ADGRL2: variants seen among roughly 807,000 people sequenced by gnomAD.
ADGRL2 encodes calcium-independent alpha-latrotoxin receptor 2.
ADGRL2 carries 44 observed loss-of-function variants against 157.4 expected under a neutral mutation model. That is an observed-to-expected ratio of 0.28 (90% CI 0.22 to 0.36). The LOEUF (loss-of-function observed/expected upper bound fraction) is 0.36, where lower values mean the gene tolerates loss of function less well. Among genes scored for constraint, ADGRL2 ranks in the 10% least tolerant of loss-of-function variants. The pLI is 1.00. For missense variants in ADGRL2, 1,510 were observed against 1,768.9 expected, an observed-to-expected ratio of 0.85 and a Z score of 2.63; for synonymous variants, 585 against 624.7, an observed-to-expected ratio of 0.94 and a Z score of 0.95.
intron 3 of ADGRL2, among the ~76,000 whole-genome samples, chr1:81,909,365 T>C (rs1321904481): frequency 6.6e-6 from 1 of 152,168 alleles, no homozygotes; most frequent in Non-Finnish European, 1.5e-5. Flanking sequence ...GAGTTATCAT[T>C]TATATAGTTA....
intron 1 of ADGRL2, among the ~76,000 whole-genome samples, chr1:81,728,353 T>A (rs1483484632): frequency 6.6e-6 from 1 of 152,212 alleles, no homozygotes; most frequent in Non-Finnish European, 1.5e-5. Flanking sequence ...AGAAATCACA[T>A]GACTAGAGAA....
At chr1:81,877,171 G>C (rs1017484412) in intron 2 of ADGRL2, among the ~76,000 whole-genome samples, 1 of 152,010 alleles carries the variant, frequency 6.6e-6, no homozygotes, top group African/African-American at 2.4e-5. Flanking sequence ...TATTTCTCAG[G>C]ATTGACTTTC....
rs1169454079 is a variant in ADGRL2 at position 81,969,334 on chromosome 1, C to A, written c.2680C>A (p.Leu894Ile). 1.2e-6 allele frequency: 2 copies of A among 1,613,806 alleles called. No individual in the cohort carries two copies. The highest frequency in any genetic ancestry group is 1.7e-6 in the Non-Finnish European group (2 of 1,179,884). ...NTIHKNLCIN[L>I]FIAEFIFLIG... ...TATTCACAAGAACCTTTGTATCAAC[C>A]TTTTCATTGCTGAATTTATTTTCCT... The change falls in exon 15 of 24, where the codon CTT becomes ATT. Residue 894 changes from leucine to isoleucine, a missense_variant. Coordinates refer to ENST00000686636, the MANE Select transcript of ADGRL2 (RefSeq NM_001366006.2).
intron 3 of ADGRL2, among the ~76,000 whole-genome samples, chr1:81,927,523 T>C (rs1359499765): frequency 6.6e-6 from 1 of 151,974 alleles, no homozygotes; most frequent in Non-Finnish European, 1.5e-5. Flanking sequence ...AAATTATGTA[T>C]CTCTGTGTAC....
At chr1:81,629,592 T>C (rs892711015) in intron 3 of ADGRL2, among the ~76,000 whole-genome samples, 1 of 152,130 alleles carries the variant, frequency 6.6e-6, no homozygotes, top group Non-Finnish European at 1.5e-5. Flanking sequence ...ACTGTTTCCT[T>C]ATCAAATAGA....
In ADGRL2 at chr1:81,981,715, A is replaced by G. The variant is rs753901531; in HGVS notation, c.3114-93A>G. The G allele has an allele frequency of 2.3e-4, 225 of 985,422 alleles. 1 individual carries two copies. Among genetic ancestry groups the G allele is most frequent in the Admixed American group, 9.1e-5 (4 of 43,750 alleles). 61.0% of individuals were successfully genotyped at this position (985,422 alleles called of 1,614,324 possible). On this transcript the variant is annotated intron_variant, in intron 18 of 23. Transcript: ENST00000686636. The stretch of plus-strand genomic sequence containing the variant: ...TGAATATGAATGTGAACATAGAGAA[A>G]GTCAACTGCTACTACTGATATGTTA...
At chr1:81,761,405 C>T (rs556343673) in intron 1 of ADGRL2, among the ~76,000 whole-genome samples, 1 of 151,860 alleles carries the variant, frequency 6.6e-6, no homozygotes, top group East Asian at 1.9e-4. Flanking sequence ...AAAAACTGAT[C>T]AATATTAATA....
chr1:81,443,617 A>G (rs561647442), intron 1 of ADGRL2, among the ~76,000 whole-genome samples: 1 of 152,296 alleles, frequency 6.6e-6, no homozygotes, highest in Non-Finnish European at 1.5e-5. Context: ...AAGCATTCAG[A>G]ACCTATATAC....
chr1:81,960,462 A>G (rs945166440), intron 11 of ADGRL2, among the ~76,000 whole-genome samples: 4 of 150,682 alleles, frequency 2.7e-5, no homozygotes, highest in African/African-American at 9.8e-5. Context: ...CCTTTTATTT[A>G]TTGTCTTTTT....
Position 81,675,776 on chromosome 1 carries a change from T to G in ADGRL2, c.-142-86035T>G, listed in dbSNP as rs140557812. ...TTTCTATTTTTAGTAGAGACAGGGTTTCACCATGTTAGCCAGGATAGTCTT... is the reference window on the plus strand; with the variant it reads ...TTTCTATTTTTAGTAGAGACAGGGTGTCACCATGTTAGCCAGGATAGTCTT... On this transcript the variant is annotated intron_variant, in intron 3 of 24. Transcript: ENST00000370721. 6.8e-3 allele frequency among the ~76,000 whole-genome samples: 1,036 copies of G among 152,110 alleles called. 20 individuals carry two copies. Among genetic ancestry groups the G allele is most frequent in the African/African-American group, 0.024 (996 of 41,502 alleles).
chr1:81,536,987 A>T (rs150932703), intron 2 of ADGRL2, among the ~76,000 whole-genome samples: 6 of 152,268 alleles, frequency 3.9e-5, no homozygotes, highest in African/African-American at 1.4e-4. Flanking sequence ...GTGAAGTAAG[A>T]ATAAAATTAT....
At chr1:81,427,905 T>C (rs1386483307) in intron 1 of ADGRL2, among the ~76,000 whole-genome samples, 2 of 152,224 alleles carry the variant, frequency 1.3e-5, no homozygotes, top group African/African-American at 2.4e-5. Flanking sequence ...TTTCTTCTTC[T>C]TTTTCTTTTC....
intron 1 of ADGRL2, among the ~76,000 whole-genome samples, chr1:81,808,120 A>G (rs2149596915): frequency 6.6e-6 from 1 of 152,150 alleles, no homozygotes; most frequent in Admixed American, 6.5e-5. Context: ...AAGCAAGTTT[A>G]AATACAATTT....
At chr1:81,769,728 T>C (rs939193598) in intron 2 of ADGRL2, among the ~76,000 whole-genome samples, 9 of 152,172 alleles carry the variant, frequency 5.9e-5, no homozygotes, top group African/African-American at 1.7e-4. Context: ...CAAAACTTGA[T>C]TGAAATTTGT....
Position 81,970,526 on chromosome 1 carries a change from A to G in ADGRL2, c.2946A>G (p.Thr982=). 2 of 1,605,970 alleles carry G rather than the reference A, an allele frequency of 1.2e-6. No homozygotes were observed. Among genetic ancestry groups the G allele is most frequent in the Non-Finnish European group, 8.5e-7 (1 of 1,177,462 alleles). Residue 982 remains threonine (T), a synonymous_variant, in exon 16 of 24, where the codon ACA becomes ACG. Transcript: ENST00000686636. ...SAAIDYKSYG[T]EKACWLHVDN... is the part of the protein sequence containing the mutation. ...CTATTGACTATAAGAGCTATGGAAC[A>G]GAAAAAGCGTAAGTAATTGCAAGCG...
At chr1:81,756,465 G>C (rs1039239118) in intron 1 of ADGRL2, among the ~76,000 whole-genome samples, 1 of 152,130 alleles carries the variant, frequency 6.6e-6, no homozygotes, top group African/African-American at 2.4e-5. Context: ...GGGATATCAT[G>C]GTTCAGTAGA....
At chr1:81,921,145 T>G (rs921943714) in intron 3 of ADGRL2, among the ~76,000 whole-genome samples, 1 of 152,162 alleles carries the variant, frequency 6.6e-6, no homozygotes, top group Non-Finnish European at 1.5e-5. Flanking sequence ...GGGTCAAAGA[T>G]AAGAGCAGCG....
intron 1 of ADGRL2, among the ~76,000 whole-genome samples, chr1:81,754,164 T>TCCTC (rs1286784803): frequency 6.6e-6 from 1 of 151,122 alleles, no homozygotes; most frequent in Non-Finnish European, 1.5e-5. Context: ...TTCCCTCCCT[T>TCCTC]CCTCCCTCCC....
At chr1:81,458,782 G>A (rs140065358) in intron 2 of ADGRL2, among the ~76,000 whole-genome samples, 2 of 152,300 alleles carry the variant, frequency 1.3e-5, no homozygotes, top group African/African-American at 4.8e-5. Flanking sequence ...GGGGAGTCCT[G>A]AGGTCTGAGC....
Sources: allele counts gnomAD v4.1 joint callset (sites outside exome capture counted in the v4.1 genomes callset), GRCh38; gene constraint gnomAD v4.1.1; transcripts MANE v1.5; gene names NCBI Gene and HGNC (gene_info 2026-07-23, HGNC 2026-07-21).